KCNIP4: variants seen among roughly 807,000 people sequenced by gnomAD.
The protein encoded by KCNIP4 is potassium voltage-gated channel interacting protein 4, also known as Kv channel-interacting protein 4.
Under a neutral mutation model 34.0 loss-of-function variants are expected in KCNIP4, and 12 were observed. That is an observed-to-expected ratio of 0.35 (90% CI 0.23 to 0.57). The LOEUF (loss-of-function observed/expected upper bound fraction) is 0.57. Among genes scored for constraint, KCNIP4 ranks in the 20% least tolerant of loss-of-function variants. KCNIP4 has a pLI of 0.83. For missense variants in KCNIP4, 238 were observed against 311.7 expected (o/e 0.76, Z 1.78); for synonymous variants, 124 against 102.2 (o/e 1.21, Z -1.29).
intron 1 of KCNIP4, among the ~76,000 whole-genome samples, chr4:21,562,075 A>G (rs1234924491): frequency 6.6e-6 from 1 of 151,944 alleles, no homozygotes; most frequent in Non-Finnish European, 1.5e-5. Context: ...TGGATCTACA[A>G]GTAGCAAAAT....
rs192676480 is a variant in KCNIP4, at chr4:21,611,577, T to C, written c.61+336994A>G. On this transcript the variant is annotated intron_variant, in intron 1 of 8. Transcript: ENST00000382152. ...TCGAATCTTGGTTTGTTAACATTGA[T>C]GAAGACAAATATATAGCCACCAATA... 1.2e-3 allele frequency among the ~76,000 whole-genome samples: 184 copies of C among 152,324 alleles called. 2 individuals carry two copies. The highest frequency in any genetic ancestry group is 4.0e-3 in the African/African-American group (166 of 41,588).
chr4:21,104,573 T>C (rs1197756204), intron 1 of KCNIP4, among the ~76,000 whole-genome samples: 1 of 152,198 alleles, frequency 6.6e-6, no homozygotes, highest in African/African-American at 2.4e-5. Flanking sequence ...TAGTTTCTTT[T>C]GCTGTGCAGA....
At chr4:20,855,932 G>A (rs949895518) in intron 2 of KCNIP4, among the ~76,000 whole-genome samples, 7 of 152,176 alleles carry the variant, frequency 4.6e-5, no homozygotes, top group Admixed American at 2.6e-4. Flanking sequence ...GTAAGTAGTT[G>A]TGCTCCTAAA....
intron 1 of KCNIP4, among the ~76,000 whole-genome samples, chr4:20,961,695 T>C (rs1480301754): frequency 1.3e-5 from 2 of 152,100 alleles, no homozygotes; most frequent in African/African-American, 2.4e-5. Context: ...AAAATTAACA[T>C]AGGAATCAAT....
intron 1 of KCNIP4, among the ~76,000 whole-genome samples, chr4:21,476,502 T>C (rs1266584617): frequency 6.6e-6 from 1 of 152,158 alleles, no homozygotes; most frequent in Non-Finnish European, 1.5e-5. Context: ...AGTGAAAAGG[T>C]GGCTGTCTGC....
chr4:20,993,131 C>T (rs563224629), intron 1 of KCNIP4, among the ~76,000 whole-genome samples: 2 of 151,434 alleles, frequency 1.3e-5, no homozygotes, highest in Non-Finnish European at 2.9e-5. Context: ...TCTCTAAGGG[C>T]TACCTATCTG....
At chr4:21,458,707 A>C (rs904043773) in intron 1 of KCNIP4, among the ~76,000 whole-genome samples, 1 of 152,034 alleles carries the variant, frequency 6.6e-6, no homozygotes, top group Non-Finnish European at 1.5e-5. Flanking sequence ...TAGACTTTTC[A>C]TTCCCCTATT....
intron 1 of KCNIP4, among the ~76,000 whole-genome samples, chr4:21,724,714 T>C (rs1182722746): frequency 1.3e-5 from 2 of 152,106 alleles, no homozygotes; most frequent in African/African-American, 4.8e-5. Context: ...ATACATGCAC[T>C]TTACACATAA....
At chr4:21,869,604 T>G (rs547634392) in intron 1 of KCNIP4, among the ~76,000 whole-genome samples, 2 of 152,264 alleles carry the variant, frequency 1.3e-5, no homozygotes, top group East Asian at 3.9e-4. Flanking sequence ...TCCTGTATTA[T>G]GCAAAACAAT....
At chr4:21,291,873 AAG>A (rs1763515667) in intron 1 of KCNIP4, among the ~76,000 whole-genome samples, 54 of 18,078 alleles carry the variant, frequency 3.0e-3, no homozygotes, top group African/African-American at 0.013. Flanking sequence ...AAAAAAAAGA[AAG>A]AAAGAAAGAA....
intron 1 of KCNIP4, among the ~76,000 whole-genome samples, chr4:21,301,596 G>T (rs771077590): frequency 2.1e-4 from 32 of 152,094 alleles, no homozygotes; most frequent in Non-Finnish European, 3.5e-4. Flanking sequence ...GAACTCTCAG[G>T]CGAAAAGAAA....
At position 21,049,052 on chromosome 4, in the gene KCNIP4, G is replaced by T. The variant is rs529999048; in HGVS notation, c.62-166343C>A. Among the ~76,000 whole-genome samples the T allele has an allele frequency of 4.2e-5, 6 of 143,696 alleles. No homozygotes were observed. The East Asian group carries it at 1.3e-3, about 31-fold the overall frequency. 94.3% of individuals were successfully genotyped at this position (143,696 alleles called of 152,430 possible). On this transcript the variant is annotated intron_variant, in intron 1 of 8. Transcript: ENST00000382152. ...TGCAAGCTCCGCCTCCCGGGTTCAC[G>T]CCATTCTCCTGCCTCAGCCTCCCGA...
Position 21,863,583 on chromosome 4 carries a change from A to G in KCNIP4, c.61+84988T>C, listed in dbSNP as rs960268186. ...AGAGAGGCACAGAACAAATAGGACA[A>G]TGCTAGAATCCGTCTTACCCAATGC... is the stretch of plus-strand genomic sequence containing the variant. On this transcript the variant is annotated intron_variant, in intron 1 of 8. Transcript: ENST00000382152. 2.2e-4 allele frequency among the ~76,000 whole-genome samples: 33 copies of G among 152,292 alleles called. 1 individual carries two copies. The highest frequency in any genetic ancestry group is 7.9e-4 in the African/African-American group (33 of 41,564).
chr4:20,870,881 TTC>T (rs1723382235), intron 2 of KCNIP4, among the ~76,000 whole-genome samples: 1 of 152,106 alleles, frequency 6.6e-6, no homozygotes, highest in Admixed American at 6.6e-5. Context: ...CTCCTCAACC[TTC>T]TCTGTCTCTA....
At chr4:21,459,387 T>G (rs1332623363) in intron 1 of KCNIP4, among the ~76,000 whole-genome samples, 1 of 152,128 alleles carries the variant, frequency 6.6e-6, no homozygotes. Context: ...TTTTTCTTCC[T>G]GTCTCCCTTG....
rs73802495 is a variant in KCNIP4 at position 21,116,679 on chromosome 4, G to A, written c.62-233970C>T. Among the ~76,000 whole-genome samples, 784 of 152,146 alleles carry A rather than the reference G, an allele frequency of 5.2e-3. 7 individuals carry two copies. The highest frequency in any genetic ancestry group is 0.017 in the African/African-American group (714 of 41,506). On this transcript the variant is annotated intron_variant, in intron 1 of 8. Transcript: ENST00000382152. ...TATATCTGTAGTTATTCCTTGTTGG[G>A]CAAAACTTTCAGAGTAGACTACCAG...
intron 1 of KCNIP4, among the ~76,000 whole-genome samples, chr4:21,440,151 A>G (rs932329162): frequency 6.6e-6 from 1 of 152,262 alleles, no homozygotes; most frequent in Non-Finnish European, 1.5e-5. Context: ...CAAATTCACT[A>G]GTATCCAGCT....
intron 1 of KCNIP4, among the ~76,000 whole-genome samples, chr4:21,035,439 G>T (rs28628512): frequency 1.1e-4 from 17 of 152,258 alleles, no homozygotes; most frequent in African/African-American, 3.9e-4. Flanking sequence ...TACCACTCCT[G>T]TGTGGCTCTG....
intron 1 of KCNIP4, among the ~76,000 whole-genome samples, chr4:21,575,682 A>C (rs1740698022): frequency 6.6e-6 from 1 of 152,204 alleles, no homozygotes; most frequent in Non-Finnish European, 1.5e-5. Flanking sequence ...ATTCTCAAAT[A>C]TTTAAATCAC....
Sources: allele counts gnomAD v4.1 joint callset (sites outside exome capture counted in the v4.1 genomes callset), GRCh38; gene constraint gnomAD v4.1.1; transcripts MANE v1.5; gene names NCBI Gene and HGNC (gene_info 2026-07-23, HGNC 2026-07-21).